RASSF8: variants seen among roughly 807,000 people sequenced by gnomAD.
RASSF8 encodes ras association domain-containing protein 8.
In RASSF8, 22 loss-of-function variants were observed where a neutral mutation model predicts 48.5. The observed-to-expected ratio is 0.45, with a 90% confidence interval of 0.32 to 0.65. RASSF8 has a LOEUF of 0.65. RASSF8 is among the 30% of genes least tolerant of loss of function. RASSF8 has a pLI of 0.03. For synonymous variants in RASSF8, 127 were observed against 171.5 expected (o/e 0.74, Z 2.03); for missense variants, 418 against 489.2 (o/e 0.85, Z 1.37).
At chr12:26,065,431 A>G in intron 4 of RASSF8, 44 bp downstream of exon 4, 1 of 1,515,374 alleles carries the variant, frequency 6.6e-7, no homozygotes, top group Non-Finnish European at 8.8e-7. Flanking sequence ...CATGTAAAAT[A>G]GTATCTTCTT....
At position 26,072,257 on chromosome 12, in the gene RASSF8, T is replaced by A; in HGVS notation, c.*3439T>A. ...ATTGTGTTCAGTTTTTTAAGTTGCA[T>A]GTTTATACTATTTGCTACAGTATTT... On this transcript the variant is annotated 3_prime_UTR_variant, in exon 6 of 6. Coordinates refer to ENST00000689635, the MANE Select transcript of RASSF8 (RefSeq NM_001394098.1). 1.0e-6 allele frequency: 1 copy of A among 977,226 alleles called. No individual in the cohort carries two copies. 60.5% of individuals were successfully genotyped at this position (977,226 alleles called of 1,614,324 possible). A position where few individuals can be genotyped will look rare whatever the true frequency, so the allele number is the denominator to read the frequency against.
At chr12:25,993,835 GA>G (rs563084370) in intron 1 of RASSF8, among the ~76,000 whole-genome samples, 2,086 of 149,496 alleles carry the variant, frequency 0.014, 30 homozygotes, top group South Asian at 0.021. Context: ...ATTTTTATTA[GA>G]AAAAAAAAAT....
At position 26,067,683 on chromosome 12, in the gene RASSF8, A is replaced by G; in HGVS notation, c.1108A>G (p.Ile370Val). ...CGTTTTGCCAGCGGAGCCCATTGAA[A>G]TAGAGGCCTCACATGCAGACATTGA... ...VTVLPAEPIE[I>V]EASHADIERE... The change falls in exon 5 of 6, where the codon ATA becomes GTA. Residue 370 changes from isoleucine to valine, a missense_variant. Physicochemically the swap from Ile to Val is conservative, Grantham distance 29 (BLOSUM62 3). Coordinates refer to ENST00000689635, the MANE Select transcript of RASSF8 (RefSeq NM_001394098.1). 3.1e-6 allele frequency: 5 copies of G among 1,614,184 alleles called. No homozygotes were observed. The highest frequency in any genetic ancestry group is 4.2e-6 in the Non-Finnish European group (5 of 1,180,012).
intron 2 of RASSF8, among the ~76,000 whole-genome samples, chr12:26,025,580 A>G (rs904236595): frequency 6.9e-6 from 1 of 144,734 alleles, no homozygotes; most frequent in South Asian, 2.2e-4. Context: ...AAAAAAAAAA[A>G]GCATTCAGAT....
chr12:26,045,530 C>T (rs935737560), intron 2 of RASSF8, among the ~76,000 whole-genome samples: 2 of 152,126 alleles, frequency 1.3e-5, no homozygotes, highest in Non-Finnish European at 1.5e-5. Flanking sequence ...AAAATGTATA[C>T]CTGCAAAGGA....
chr12:26,022,556 AG>A (rs1942809986), intron 2 of RASSF8, among the ~76,000 whole-genome samples: 1 of 152,214 alleles, frequency 6.6e-6, no homozygotes, highest in Non-Finnish European at 1.5e-5. Flanking sequence ...AAAAACTTAA[AG>A]GTCAGAGGAA....
Position 25,992,306 on chromosome 12 carries a change from G to T in RASSF8, c.-202-2731G>T, listed in dbSNP as rs557840800. Among the ~76,000 whole-genome samples the T allele has an allele frequency of 3.3e-5, 5 of 152,334 alleles. No homozygotes were observed. In the South Asian group the frequency reaches 1.0e-3, roughly 32 times the overall value. ...ATTTCAAACAGTTGTTGAAGAACATGGGCTCTGAGGTCAATTTGCTTGAGT... is the reference window on the plus strand; with the variant it reads ...ATTTCAAACAGTTGTTGAAGAACATTGGCTCTGAGGTCAATTTGCTTGAGT... On this transcript the variant is annotated intron_variant, in intron 1 of 5. Transcript: ENST00000689635.
intron 1 of RASSF8, among the ~76,000 whole-genome samples, chr12:25,974,768 G>C (rs1184416773): frequency 1.3e-5 from 2 of 152,152 alleles, no homozygotes; most frequent in Admixed American, 6.5e-5. Flanking sequence ...GCTGCACTCT[G>C]AGTTTGTCTG....
chr12:26,037,885 A>AG (rs1404999105), intron 2 of RASSF8, among the ~76,000 whole-genome samples: 1 of 152,224 alleles, frequency 6.6e-6, no homozygotes, highest in Non-Finnish European at 1.5e-5. Context: ...ATTGTGCCCT[A>AG]GCCAGCTAGC....
At chr12:26,073,472 C>T (rs1335820897), downstream of RASSF8, among the ~76,000 whole-genome samples, 2 of 152,170 alleles carry the variant, frequency 1.3e-5, no homozygotes, top group African/African-American at 4.8e-5. Context: ...CGCAGTGGCT[C>T]ACGCCTATAA....
chr12:26,061,228 T>C (rs1424327112), intron 3 of RASSF8, among the ~76,000 whole-genome samples: 1 of 152,144 alleles, frequency 6.6e-6, no homozygotes, highest in African/African-American at 2.4e-5. Context: ...AATTTCTGAG[T>C]GACCCTTGTT....
Position 26,072,327 on chromosome 12 carries a change from C to T in RASSF8, c.*3509C>T. On this transcript the variant is annotated 3_prime_UTR_variant, in exon 6 of 6. Coordinates refer to ENST00000689635, the MANE Select transcript of RASSF8 (RefSeq NM_001394098.1). ...CATCAGCTGTATCAAAAAGACAAAA[C>T]AATCACTATTTATTCAGTATTGCTG... The T allele has an allele frequency of 1.0e-6, 1 of 985,348 alleles. No homozygotes were observed. Among genetic ancestry groups the T allele is most frequent in the Non-Finnish European group, 1.2e-6 (1 of 829,888 alleles). 61.0% of individuals were successfully genotyped at this position (985,348 alleles called of 1,614,324 possible).
In RASSF8 at chr12:26,041,012, C is replaced by T. The variant is rs893800194; in HGVS notation, c.-108-14224C>T. On this transcript the variant is annotated intron_variant, in intron 2 of 5. Coordinates refer to ENST00000689635, the MANE Select transcript of RASSF8 (RefSeq NM_001394098.1). ...ACGCCATTCTCCTGCCTCAGCCTCC[C>T]GAGTAATTGGGACTACGGGTGCCCG... is the stretch of plus-strand genomic sequence containing the variant. Among the ~76,000 whole-genome samples the T allele has an allele frequency of 7.9e-5, 12 of 151,746 alleles. No homozygotes were observed. In the South Asian group the frequency reaches 1.3e-3, roughly 16 times the overall value.
intron 2 of RASSF8, among the ~76,000 whole-genome samples, chr12:26,005,164 G>GGTGTGTGTGT (rs34419551): frequency 4.7e-5 from 7 of 149,894 alleles, no homozygotes; most frequent in Non-Finnish European, 7.4e-5. Context: ...TTACGGATGG[G>GGTGTGTGTGT]GTGTGTGTGT....
chr12:26,078,372 G>A (rs1944089169), intron 5 of RASSF8, among the ~76,000 whole-genome samples: 1 of 152,192 alleles, frequency 6.6e-6, no homozygotes, highest in African/African-American at 2.4e-5. Flanking sequence ...GTGTGGGCAG[G>A]CCATGCAGAA....
At chr12:25,960,383 A>G (rs1296871352) in intron 1 of RASSF8, among the ~76,000 whole-genome samples, 1 of 152,160 alleles carries the variant, frequency 6.6e-6, no homozygotes, top group African/African-American at 2.4e-5. Flanking sequence ...AGCTTTCTGC[A>G]GGGAGAGGTG....
rs530450943 is a variant in RASSF8, at chr12:26,067,643, A to G, written c.1068A>G (p.Thr356=). ...ATCTCCAGCAGTTCATCCAGCAGAC[A>G]GGGACAAAAGTTACCGTTTTGCCAG... ...QVNLQQFIQQ[T]GTKVTVLPAE... is the part of the protein sequence containing the mutation. Residue 356 remains threonine, a synonymous_variant, in exon 5 of 6, where the codon ACA becomes ACG. Transcript: ENST00000689635. The G allele has an allele frequency of 5.5e-5, 89 of 1,614,162 alleles. No individual in the cohort carries two copies. The South Asian group carries it at 8.8e-4, about 16-fold the overall frequency.
At chr12:26,067,510 T>C in intron 4 of RASSF8, 59 bp from the exon 5 acceptor site, 2 of 1,473,052 alleles carry the variant, frequency 1.4e-6, no homozygotes, top group Non-Finnish European at 9.2e-7. Context: ...CTCACAAAGA[T>C]GTCTTGCACT....
chr12:25,984,673 A>G (rs1308536768), intron 1 of RASSF8, among the ~76,000 whole-genome samples: 4 of 152,198 alleles, frequency 2.6e-5, no homozygotes, highest in Non-Finnish European at 5.9e-5. Flanking sequence ...GGGTACACAC[A>G]AAATTAAGGA....
Sources: gnomAD v4.1 joint callset for allele counts (sites outside exome capture counted in the v4.1 genomes callset) on GRCh38, gnomAD v4.1.1 for gene constraint, MANE v1.5 for transcripts, NCBI Gene and HGNC (gene_info 2026-07-23, HGNC 2026-07-21) for gene names.